The following UTRN variants were observed in gnomAD, a reference collection of about 807,000 sequenced individuals.
UTRN encodes the protein dystrophin-related protein 1.
A neutral mutation model predicts 463.9 loss-of-function variants in UTRN; 283 were observed. The observed-to-expected ratio is 0.61, with a 90% CI of 0.55 to 0.67. The LOEUF (loss-of-function observed/expected upper bound fraction) is 0.67. UTRN is among the 30% of genes least tolerant of loss of function. The probability of loss-of-function intolerance (pLI) is 0.00; values close to 1 mark genes in which losing one functional copy is unlikely to be tolerated. For missense variants in UTRN, 3,922 were observed against 4,084.3 expected (o/e 0.96, Z 1.08); for synonymous variants, 1,442 against 1,431.5 (o/e 1.01, Z -0.17).
chr6:144,742,241 A>G (rs976675748), intron 54 of UTRN, among the ~76,000 whole-genome samples: 2 of 152,200 alleles, frequency 1.3e-5, no homozygotes, highest in African/African-American at 4.8e-5. Context: ...ATAATTTATT[A>G]AATGGACATA....
At chr6:144,810,377 A>C (rs1437974103) in intron 65 of UTRN, among the ~76,000 whole-genome samples, 1 of 152,178 alleles carries the variant, frequency 6.6e-6, no homozygotes, top group Non-Finnish European at 1.5e-5. Flanking sequence ...AAAAGATGTT[A>C]TAGGAAATGG....
At chr6:144,624,134 A>G (rs1226419066) in intron 51 of UTRN, among the ~76,000 whole-genome samples, 1 of 152,208 alleles carries the variant, frequency 6.6e-6, no homozygotes, top group Non-Finnish European at 1.5e-5. Context: ...GAATGGGATG[A>G]AGCCAGTGTT....
intron 4 of UTRN, among the ~76,000 whole-genome samples, chr6:144,422,835 C>T (rs951056572): frequency 6.6e-6 from 1 of 152,186 alleles, no homozygotes; most frequent in Non-Finnish European, 1.5e-5. Flanking sequence ...GAGAGATGCA[C>T]TCCTGAAGAT....
intron 2 of UTRN, among the ~76,000 whole-genome samples, chr6:144,390,098 A>G (rs1007413263): frequency 6.6e-6 from 1 of 152,224 alleles, no homozygotes; most frequent in Non-Finnish European, 1.5e-5. Flanking sequence ...AAGTCTTCTC[A>G]TCACAAATAA....
chr6:144,771,507 C>T lies in UTRN; in HGVS notation c.8496-400C>T, dbSNP rs1313085373. On this transcript the variant is annotated intron_variant, in intron 58 of 74. Transcript: ENST00000367545. ...GTGAAACGATCTCGGCTCACTGCAACCTCCACCTCCCAGCTTCAAGCAATT... is the reference window on the plus strand; with the variant it reads ...GTGAAACGATCTCGGCTCACTGCAATCTCCACCTCCCAGCTTCAAGCAATT... 2.0e-5 allele frequency among the ~76,000 whole-genome samples: 3 copies of T among 152,164 alleles called. No individual in the cohort carries two copies. In the East Asian group the frequency reaches 5.8e-4, roughly 29 times the overall value.
chr6:144,753,221 A>G (rs916011637), intron 56 of UTRN, among the ~76,000 whole-genome samples: 2 of 152,176 alleles, frequency 1.3e-5, no homozygotes, highest in Non-Finnish European at 2.9e-5. Context: ...GGAAATGGAA[A>G]TGTCAGTAGG....
chr6:144,765,333 G>T (rs1019402997), intron 58 of UTRN, among the ~76,000 whole-genome samples: 1 of 152,148 alleles, frequency 6.6e-6, no homozygotes, highest in African/African-American at 2.4e-5. Context: ...ATATTTTGGG[G>T]TGTATGGTAT....
chr6:144,577,249 G>C lies in UTRN; in HGVS notation c.7440G>C (p.Gln2480His). The change falls in exon 51 of 75, where the codon CAG becomes CAC. Residue 2480 changes from glutamine to histidine, a missense_variant. This residue lies in a region of UTRN where 1,309 missense variants were observed against 1,452.6 expected (regional missense o/e 0.90). Transcript: ENST00000367545. Reference protein sequence around the residue: ...VDASHRENALQDSILARELKQ... With the variant: ...VDASHRENALHDSILARELKQ... ...CCTCTCATCGGGAGAATGCTCTTCA[G>C]GATAGTATCTTGGCCAGGGAACTCA... The C allele has an allele frequency of 3.7e-6, 6 of 1,613,920 alleles. No homozygotes were observed. Among genetic ancestry groups the C allele is most frequent in the Non-Finnish European group, 5.1e-6 (6 of 1,179,888 alleles).
chr6:144,502,160 C>T (rs1197526355), intron 34 of UTRN, among the ~76,000 whole-genome samples: 3 of 150,820 alleles, frequency 2.0e-5, no homozygotes, highest in Non-Finnish European at 4.4e-5. Flanking sequence ...TGAACAAAAT[C>T]CATCTTTTTC....
chr6:144,638,270 G>A (rs936190537), intron 51 of UTRN, among the ~76,000 whole-genome samples: 1 of 152,116 alleles, frequency 6.6e-6, no homozygotes, highest in African/African-American at 2.4e-5. Flanking sequence ...CATTATACTC[G>A]GAAGATAAGC....
chr6:144,461,324 GGCCCT>G lies in UTRN; in HGVS notation c.2838_2842del (p.Leu947ArgfsTer6). 1 of 1,570,446 alleles carries G rather than the reference GGCCCT, an allele frequency of 6.4e-7. No individual in the cohort carries two copies. The highest frequency in any genetic ancestry group is 8.6e-7 in the Non-Finnish European group (1 of 1,158,232). On this transcript the variant is annotated frameshift_variant, in exon 22 of 75. Coordinates refer to ENST00000367545, the MANE Select transcript of UTRN (RefSeq NM_007124.3). LOFTEE classifies it high-confidence loss of function. The stretch of plus-strand genomic sequence containing the variant: ...TTAATGATCTTGCCAAGGTGGAGAA[GGCCCT>G]GCAAGAAAAAAAGGTAACATATATC...
At chr6:144,415,845 G>T (rs1024219884) in intron 3 of UTRN, among the ~76,000 whole-genome samples, 1 of 152,176 alleles carries the variant, frequency 6.6e-6, no homozygotes, top group African/African-American at 2.4e-5. Flanking sequence ...TTGACACAAT[G>T]ACCATGGTAA....
At chr6:144,670,923 T>G (rs548727519) in intron 51 of UTRN, among the ~76,000 whole-genome samples, 1 of 152,268 alleles carries the variant, frequency 6.6e-6, no homozygotes, top group African/African-American at 2.4e-5. Flanking sequence ...TGTGTTTGCT[T>G]TGTCGAAAAT....
At chr6:144,708,735 T>TAAA (rs1785343885) in intron 53 of UTRN, among the ~76,000 whole-genome samples, 1 of 152,170 alleles carries the variant, frequency 6.6e-6, no homozygotes, top group Non-Finnish European at 1.5e-5. Flanking sequence ...TCCCTTGGTG[T>TAAA]TTTAGTCTGT....
In UTRN at chr6:144,429,620, T is replaced by C. The variant is rs1785612769; in HGVS notation, c.734T>C (p.Met245Thr). ...VQLPDKKSIIMYLTSLFEVLP... is the reference protein window; with the variant it reads ...VQLPDKKSIITYLTSLFEVLP... ...CTTCCTGACAAGAAATCCATAATTA[T>C]GTATTTAACATCTTTGTTTGAGGTG... The change falls in exon 9 of 75, where the codon ATG becomes ACG. Residue 245 changes from methionine (M) to threonine (T), a missense_variant. Coordinates refer to ENST00000367545, the MANE Select transcript of UTRN (RefSeq NM_007124.3). 1.9e-6 allele frequency: 3 copies of C among 1,610,874 alleles called. No individual in the cohort carries two copies. The highest frequency in any genetic ancestry group is 1.3e-5 in the African/African-American group (1 of 74,874).
chr6:144,818,868 A>G (rs1321514421), intron 65 of UTRN, among the ~76,000 whole-genome samples: 1 of 145,226 alleles, frequency 6.9e-6, no homozygotes, highest in East Asian at 2.0e-4. Context: ...AAGTTTCCTT[A>G]TTTGCTCCCA....
intron 54 of UTRN, among the ~76,000 whole-genome samples, chr6:144,732,331 ACG>A (rs1476441659): frequency 6.7e-6 from 1 of 149,288 alleles, no homozygotes; most frequent in African/African-American, 2.5e-5. Context: ...ATACACACAC[ACG>A]TACATACTCA....
At chr6:144,406,224 T>G (rs1193224985) in intron 3 of UTRN, among the ~76,000 whole-genome samples, 1 of 152,226 alleles carries the variant, frequency 6.6e-6, no homozygotes, top group Non-Finnish European at 1.5e-5. Context: ...ATTATCACAT[T>G]GGTTTGAGAG....
At chr6:144,825,092 A>G (rs970039701) in intron 66 of UTRN, among the ~76,000 whole-genome samples, 7 of 151,992 alleles carry the variant, frequency 4.6e-5, no homozygotes, top group Non-Finnish European at 1.0e-4. Flanking sequence ...CCTGTGTTAC[A>G]TTTTACATGA....
Sources: allele counts gnomAD v4.1 joint callset (sites outside exome capture counted in the v4.1 genomes callset), GRCh38; gene constraint gnomAD v4.1.1; regional missense constraint gnomAD v4.1.1; transcripts MANE v1.5; gene names NCBI Gene and HGNC (gene_info 2026-07-23, HGNC 2026-07-21).